The following TENM3 variants were observed in gnomAD, a reference collection of about 807,000 sequenced individuals.
TENM3 encodes teneurin transmembrane protein 3.
Under a neutral mutation model 255.1 loss-of-function variants are expected in TENM3, and 63 were observed. That is an observed-to-expected ratio of 0.25 (90% CI 0.20 to 0.30). TENM3 has a LOEUF of 0.30. TENM3 is among the 10% of genes least tolerant of loss of function. The pLI, the probability that TENM3 is intolerant of heterozygous loss-of-function variation, is 1.00. For synonymous variants in TENM3, 1,306 were observed against 1,322.3 expected (o/e 0.99, Z 0.27); for missense variants, 2,929 against 3,461.1 (o/e 0.85, Z 3.86).
chr4:181,864,081 T>C, the TENM3 span, among the ~76,000 whole-genome samples: 1 of 152,122 alleles, frequency 6.6e-6, no homozygotes, highest in Admixed American at 6.6e-5. Context: ...TCAAACGTCT[T>C]AGTGGAATCC....
intron 3 of TENM3, among the ~76,000 whole-genome samples, chr4:182,431,470 C>A (rs1771639433): frequency 6.6e-6 from 1 of 151,856 alleles, no homozygotes; most frequent in Admixed American, 6.6e-5. Context: ...CTCCAGCTGG[C>A]AACAAAGCGA....
At position 182,628,898 on chromosome 4, in the gene TENM3, A is replaced by G; in HGVS notation, c.988+9A>G. 6.9e-7 allele frequency: 1 copy of G among 1,453,302 alleles called. No individual in the cohort carries two copies. Among genetic ancestry groups the G allele is most frequent in the South Asian group, 1.2e-5 (1 of 83,166 alleles). 90.0% of individuals were successfully genotyped at this position (1,453,302 alleles called of 1,614,324 possible). On this transcript the variant is annotated intron_variant, in intron 5 of 27. Transcript: ENST00000511685. Reference sequence around the variant, plus strand: ...CCTGTCTTATTTTATAGGTAAGAACAAGTTCTTAGAATTACTTTGTCTGTA... The same window carrying G: ...CCTGTCTTATTTTATAGGTAAGAACGAGTTCTTAGAATTACTTTGTCTGTA...
the TENM3 span, among the ~76,000 whole-genome samples, chr4:181,599,932 G>A: frequency 6.2e-4 from 94 of 152,004 alleles, no homozygotes; most frequent in African/African-American, 2.0e-3. Context: ...TACATTTACC[G>A]GTGAGTTCCT....
chr4:181,717,492 G>A, the TENM3 span, among the ~76,000 whole-genome samples: 1 of 152,194 alleles, frequency 6.6e-6, no homozygotes, highest in Non-Finnish European at 1.5e-5. Context: ...GACTCTTAAA[G>A]TTTCTGTGTG....
the TENM3 span, among the ~76,000 whole-genome samples, chr4:181,868,203 A>G: frequency 6.6e-6 from 1 of 152,072 alleles, no homozygotes; most frequent in Non-Finnish European, 1.5e-5. Flanking sequence ...CAAACAGCGT[A>G]TTCTCCACAC....
intron 6 of TENM3, among the ~76,000 whole-genome samples, chr4:182,659,614 G>A (rs1002598818): frequency 2.6e-5 from 4 of 152,138 alleles, no homozygotes; most frequent in Admixed American, 2.0e-4. Context: ...CTCATCTCCC[G>A]TATTTAGTCA....
the TENM3 span, among the ~76,000 whole-genome samples, chr4:181,587,988 T>C: frequency 5.9e-5 from 9 of 152,038 alleles, no homozygotes; most frequent in African/African-American, 1.9e-4. Context: ...GGGACGTTGA[T>C]TGTGGGGGGC....
chr4:181,617,508 C>G, the TENM3 span, among the ~76,000 whole-genome samples: 1 of 152,126 alleles, frequency 6.6e-6, no homozygotes, highest in Non-Finnish European at 1.5e-5. Flanking sequence ...GAACAGGAAG[C>G]ACCAAGGGCC....
At chr4:181,757,890 T>G in the TENM3 span, among the ~76,000 whole-genome samples, 1 of 152,230 alleles carries the variant, frequency 6.6e-6, no homozygotes, top group Admixed American at 6.5e-5. Context: ...GCATCTGTTT[T>G]CTTGCCTTCA....
chr4:182,077,164 G>A, the TENM3 span, among the ~76,000 whole-genome samples: 1 of 152,126 alleles, frequency 6.6e-6, no homozygotes, highest in East Asian at 1.9e-4. Context: ...ATGAATTAGG[G>A]TTGATCTATA....
At chr4:182,053,071 A>C in the TENM3 span, among the ~76,000 whole-genome samples, 1 of 152,098 alleles carries the variant, frequency 6.6e-6, no homozygotes, top group South Asian at 2.1e-4. Flanking sequence ...CTCCCACTTC[A>C]GCCTCCTGAC....
chr4:181,990,840 A>G, the TENM3 span, among the ~76,000 whole-genome samples: 1 of 152,182 alleles, frequency 6.6e-6, no homozygotes, highest in African/African-American at 2.4e-5. Context: ...TTGAAAGGAG[A>G]AAGAAAGGCA....
the TENM3 span, among the ~76,000 whole-genome samples, chr4:181,587,794 G>C: frequency 2.0e-5 from 3 of 152,186 alleles, no homozygotes; most frequent in African/African-American, 4.8e-5. Flanking sequence ...AGTGAGGAGA[G>C]AGTGATCCTA....
At chr4:181,729,490 A>T in the TENM3 span, among the ~76,000 whole-genome samples, 1 of 152,102 alleles carries the variant, frequency 6.6e-6, no homozygotes, top group Admixed American at 6.5e-5. Flanking sequence ...GGAACCGGAA[A>T]GGCAGCCAGG....
chr4:182,765,880 A>C (rs1212027235), intron 22 of TENM3, among the ~76,000 whole-genome samples: 1 of 152,180 alleles, frequency 6.6e-6, no homozygotes, highest in Non-Finnish European at 1.5e-5. Flanking sequence ...TGTATTCCAA[A>C]AGAAATAACA....
At chr4:181,827,424 C>A in the TENM3 span, among the ~76,000 whole-genome samples, 1 of 152,198 alleles carries the variant, frequency 6.6e-6, no homozygotes. Flanking sequence ...CAGAAGCCAG[C>A]GTGGCTCCGT....
chr4:182,139,387 C>G (rs969505960), upstream of TENM3, among the ~76,000 whole-genome samples: 3 of 152,182 alleles, frequency 2.0e-5, no homozygotes, highest in South Asian at 6.2e-4. Flanking sequence ...AATTTAGTCA[C>G]TTGATACCTA....
the TENM3 span, among the ~76,000 whole-genome samples, chr4:181,771,238 G>T: frequency 6.6e-6 from 1 of 152,190 alleles, no homozygotes; most frequent in African/African-American, 2.4e-5. Flanking sequence ...ATGAGAAAAA[G>T]ACATGAGCAA....
chr4:181,457,683 A>G, the TENM3 span, among the ~76,000 whole-genome samples: 1 of 150,660 alleles, frequency 6.6e-6, no homozygotes, highest in South Asian at 2.1e-4. Context: ...CACAAGAGTT[A>G]TATTCAAAAT....
Sources: gnomAD v4.1 joint callset for allele counts (sites outside exome capture counted in the v4.1 genomes callset) on GRCh38, gnomAD v4.1.1 for gene constraint, MANE v1.5 for transcripts, NCBI Gene and HGNC (gene_info 2026-07-23, HGNC 2026-07-21) for gene names.